Variants in ANKRD30A observed in about 807,000 individuals in gnomAD.
ANKRD30A encodes the protein ankyrin repeat domain-containing protein 30A.
ANKRD30A carries 170 observed loss-of-function variants against 166.3 expected under a neutral mutation model. That is an observed-to-expected ratio of 1.02 (90% confidence interval 0.90 to 1.16). The LOEUF is 1.16. Ranked by LOEUF, ANKRD30A falls within the 50% of genes most tolerant of loss-of-function variation. The pLI is 0.00. For missense variants in ANKRD30A, 1,630 were observed against 1,518.0 expected (o/e 1.07, Z -1.23); for synonymous variants, 564 against 508.9 (o/e 1.11, Z -1.46).
At chr10:37,150,298 C>T (rs116505955) in intron 11 of ANKRD30A, among the ~76,000 whole-genome samples, 3,256 of 151,886 alleles carry the variant, frequency 0.021, 102 homozygotes, top group African/African-American at 0.074. Context: ...ATCAGTAACT[C>T]GGATTAGTGA....
At chr10:37,196,233 G>T (rs1420205061) in intron 27 of ANKRD30A, among the ~76,000 whole-genome samples, 1 of 151,732 alleles carries the variant, frequency 6.6e-6, no homozygotes, top group Non-Finnish European at 1.5e-5. Flanking sequence ...TAGATTATTT[G>T]CACTCCAGAA....
rs543492043 is a variant in ANKRD30A at position 37,150,135 on chromosome 10, G to A, written c.1645+286G>A. 1.8e-4 allele frequency among the ~76,000 whole-genome samples: 28 copies of A among 152,184 alleles called. 1 individual carries two copies. The South Asian group carries it at 5.6e-3, about 30-fold the overall frequency. ...GTAATTCTTAAAGATTCAAGTAGGT[G>A]AATTTTGAAACTCTTAACTTCTTTT... On this transcript the variant is annotated intron_variant, in intron 11 of 35. Coordinates refer to ENST00000361713, the MANE Select transcript of ANKRD30A (RefSeq NM_052997.3).
At chr10:37,183,882 C>T (rs1435506937) in intron 24 of ANKRD30A, among the ~76,000 whole-genome samples, 6 of 148,792 alleles carry the variant, frequency 4.0e-5, no homozygotes, top group Admixed American at 6.8e-5. Context: ...GGTGCGGTGG[C>T]TCACGTCTGT....
chr10:37,156,504 G>A (rs752087280), intron 13 of ANKRD30A, among the ~76,000 whole-genome samples: 7 of 152,196 alleles, frequency 4.6e-5, no homozygotes, highest in Non-Finnish European at 8.8e-5. Flanking sequence ...TAAGTGCCAA[G>A]TGATAAATGG....
rs1299685113 is a variant in ANKRD30A, at chr10:37,142,250, A to G, written c.1353A>G (p.Ala451=). ...VLEKGRSKMI[A]CPTKESSTKA... Reference sequence around the variant, plus strand: ...AAAAAGGAAGATCTAAGATGATTGCATGTCCTACAAAAGAATCATCTACAA... The same window carrying G: ...AAAAAGGAAGATCTAAGATGATTGCGTGTCCTACAAAAGAATCATCTACAA... Residue 451 remains alanine, a synonymous_variant, in exon 7 of 36, where the codon GCA becomes GCG. Coordinates refer to ENST00000361713, the MANE Select transcript of ANKRD30A (RefSeq NM_052997.3). The G allele has an allele frequency of 2.5e-6, 4 of 1,601,558 alleles. No homozygotes were observed. Among genetic ancestry groups the G allele is most frequent in the Admixed American group, 1.8e-5 (1 of 56,684 alleles).
intron 31 of ANKRD30A, among the ~76,000 whole-genome samples, chr10:37,203,179 CA>C (rs896821459): frequency 6.6e-6 from 1 of 151,960 alleles, no homozygotes; most frequent in Admixed American, 6.6e-5. Flanking sequence ...AGAGACACAA[CA>C]AAAAAACAGA....
chr10:37,250,689 T>A, the ANKRD30A span, among the ~76,000 whole-genome samples: 2 of 152,084 alleles, frequency 1.3e-5, no homozygotes, highest in East Asian at 3.9e-4. Flanking sequence ...TCCAGAGAGC[T>A]TATTGCCCCC....
chr10:37,216,347 G>C lies in ANKRD30A; in HGVS notation c.3036G>C (p.Gln1012His). The C allele has an allele frequency of 1.9e-6, 3 of 1,607,626 alleles. No individual in the cohort carries two copies. The South Asian group carries it at 3.3e-5, about 18-fold the overall frequency. ...CAGAAGCAAAAGAAATAAAATCACAGTTAGAGAACCAAAAAGTTAAATGGG... is the reference window on the plus strand; with the variant it reads ...CAGAAGCAAAAGAAATAAAATCACACTTAGAGAACCAAAAAGTTAAATGGG... ...KLSEAKEIKS[Q>H]LENQKVKWEQ... Residue 1012 changes from glutamine (Q) to histidine (H), a missense_variant, in exon 32 of 36, where the codon CAG (glutamine) becomes CAC (histidine). By Grantham distance (24) the Gln-to-His change is conservative (BLOSUM62 0). Transcript: ENST00000361713.
At chr10:37,132,433 C>T in intron 4 of ANKRD30A, 87 bp downstream of exon 4, 1 of 749,652 alleles carries the variant, frequency 1.3e-6, no homozygotes, top group Non-Finnish European at 2.0e-6. Context: ...ATAACATTTA[C>T]TTAAAATTGT....
intron 6 of ANKRD30A, among the ~76,000 whole-genome samples, chr10:37,139,866 T>C (rs1334105259): frequency 6.6e-6 from 1 of 152,140 alleles, no homozygotes; most frequent in Non-Finnish European, 1.5e-5. Flanking sequence ...TCTTGAGCAA[T>C]ATGAGAGTTA....
chr10:37,144,939 A>T, intron 7 of ANKRD30A, 56 bp from the exon 8 acceptor site: 1 of 1,320,798 alleles, frequency 7.6e-7, no homozygotes, highest in Non-Finnish European at 1.1e-6. Flanking sequence ...TATATGTTTT[A>T]AAAATTTATA....
At chr10:37,200,840 A>G (rs1242895559) in intron 30 of ANKRD30A, among the ~76,000 whole-genome samples, 2 of 152,070 alleles carry the variant, frequency 1.3e-5, no homozygotes, top group African/African-American at 4.8e-5. Context: ...CATATTTTAC[A>G]TGTTTAATGC....
intron 34 of ANKRD30A, among the ~76,000 whole-genome samples, chr10:37,229,778 T>G (rs1843331347): frequency 6.6e-6 from 1 of 151,564 alleles, no homozygotes; most frequent in Admixed American, 6.6e-5. Context: ...ATTTGTTTTC[T>G]TTTTAATTTT....
chr10:37,219,493 A>C lies in ANKRD30A; in HGVS notation c.3781A>C (p.Lys1261Gln). ...QPLSEAQRKS[K>Q]SLKINLNYAG... ...ACTTTCTGAAGCTCAAAGGAAATCCAAAAGCCTAAAAATTAATCTCAATTA... is the reference window on the plus strand; with the variant it reads ...ACTTTCTGAAGCTCAAAGGAAATCCCAAAGCCTAAAAATTAATCTCAATTA... Residue 1261 changes from lysine to glutamine, a missense_variant, in exon 34 of 36, where the codon AAA (lysine) becomes CAA (glutamine). Transcript: ENST00000361713. The C allele has an allele frequency of 8.1e-6, 13 of 1,610,324 alleles. No homozygotes were observed. The highest frequency in any genetic ancestry group is 1.1e-5 in the Non-Finnish European group (13 of 1,177,660).
At chr10:37,132,073 C>T (rs550327350) in intron 3 of ANKRD30A, among the ~76,000 whole-genome samples, 167 bp from the exon 4 acceptor site, 10 of 152,144 alleles carry the variant, frequency 6.6e-5, no homozygotes, top group South Asian at 2.1e-4. Context: ...ATATTTACAG[C>T]GGAAGGTGCA....
intron 1 of ANKRD30A, among the ~76,000 whole-genome samples, chr10:37,127,001 C>A (rs1836063897): frequency 7.9e-6 from 1 of 126,828 alleles, no homozygotes; most frequent in South Asian, 2.5e-4. Flanking sequence ...GAGCCGAGAT[C>A]CCACCACTGC....
chr10:37,151,899 A>T (rs17590079), intron 11 of ANKRD30A, among the ~76,000 whole-genome samples, 161 bp from the exon 12 acceptor site: 1 of 152,080 alleles, frequency 6.6e-6, no homozygotes, highest in African/African-American at 2.4e-5. Flanking sequence ...TTCAATTCTA[A>T]TGGAATGACT....
intron 19 of ANKRD30A, among the ~76,000 whole-genome samples, chr10:37,166,986 A>C (rs1254245514): frequency 1.3e-5 from 2 of 152,096 alleles, no homozygotes; most frequent in Non-Finnish European, 2.9e-5. Context: ...AAGACTGAGA[A>C]AGACAGAGCA....
chr10:37,237,402 GTAGAGC>G (rs1471556275), downstream of ANKRD30A, among the ~76,000 whole-genome samples: 1 of 152,170 alleles, frequency 6.6e-6, no homozygotes, highest in Non-Finnish European at 1.5e-5. Context: ...ACAGATACAA[GTAGAGC>G]TAACTTGCTA....
Sources: gnomAD v4.1 joint callset for allele counts (sites outside exome capture counted in the v4.1 genomes callset) on GRCh38, gnomAD v4.1.1 for gene constraint, MANE v1.5 for transcripts, NCBI Gene and HGNC (gene_info 2026-07-23, HGNC 2026-07-21) for gene names.